LARS2: variants seen among roughly 807,000 people sequenced by gnomAD.
LARS2 encodes the protein leucine--tRNA ligase, mitochondrial.
Under a neutral mutation model 116.6 loss-of-function variants are expected in LARS2, and 81 were observed. The ratio of observed to expected loss-of-function variants is 0.69; its 90% CI spans 0.58 to 0.84. The LOEUF (loss-of-function observed/expected upper bound fraction) is 0.84, where lower values mean the gene tolerates loss of function less well. Ranked by LOEUF, LARS2 falls within the 40% of genes least tolerant of loss-of-function variation. LARS2 has a pLI of 0.00. For synonymous variants in LARS2, 396 were observed against 407.2 expected, an observed-to-expected ratio of 0.97 and a Z score of 0.33; for missense variants, 968 against 1,114.5, an observed-to-expected ratio of 0.87 and a Z score of 1.87.
chr3:45,544,751 CT>C (rs1434759888), intron 21 of LARS2, among the ~76,000 whole-genome samples: 2 of 152,182 alleles, frequency 1.3e-5, no homozygotes, highest in Non-Finnish European at 2.9e-5. Context: ...GTTGCCACTT[CT>C]GGCAGTTGGA....
intron 20 of LARS2, among the ~76,000 whole-genome samples, chr3:45,533,139 G>GTTT (rs1559499579): frequency 3.8e-4 from 33 of 86,398 alleles, no homozygotes; most frequent in Admixed American, 6.6e-4. Flanking sequence ...GTCACATTAA[G>GTTT]TCTTTTTTTT....
At position 45,488,732 on chromosome 3, in the gene LARS2, GC is replaced by G. The variant is rs747546443; in HGVS notation, c.1162del (p.Gln388LysfsTer21). On this transcript the variant is annotated frameshift_variant, in exon 12 of 22. Coordinates refer to ENST00000645846, the MANE Select transcript of LARS2 (RefSeq NM_015340.4). LOFTEE classifies it high-confidence loss of function. The part of the protein sequence containing the change: ...PSTSSEDTIL[A>X]QTLGLAYSEV... The stretch of plus-strand genomic sequence containing the variant: ...TACTAGCTCAGAGGACACCATCTTA[GC>G]CCAAACCCTGGGCCTGGCCTACTCT... The G allele has an allele frequency of 1.2e-6, 2 of 1,613,804 alleles. No individual in the cohort carries two copies. The highest frequency in any genetic ancestry group is 2.2e-5 in the East Asian group (1 of 44,880).
At chr3:45,392,167 C>T (rs1290403669) in intron 2 of LARS2, among the ~76,000 whole-genome samples, 2 of 152,096 alleles carry the variant, frequency 1.3e-5, no homozygotes, top group African/African-American at 4.8e-5. Context: ...CTTAAGTGTA[C>T]AAAGCGTATG....
In LARS2 at chr3:45,491,522, A is replaced by G; in HGVS notation, c.1245A>G (p.Thr415=). ...TERLSSSAEF[T]GMTRQDAFLA... is the part of the protein sequence containing the mutation. ...TTCTTTTCTTTCCCTGTCAGTTCAC[A>G]GGTATGACCCGGCAGGATGCTTTTC... Residue 415 remains threonine, a synonymous_variant, in exon 13 of 22, where the codon ACA becomes ACG. Transcript: ENST00000645846. 6.2e-7 allele frequency: 1 copy of G among 1,613,818 alleles called. No individual in the cohort carries two copies. The highest frequency in any genetic ancestry group is 8.5e-7 in the Non-Finnish European group (1 of 1,179,726).
At chr3:45,533,551 T>C (rs1228513291) in intron 20 of LARS2, among the ~76,000 whole-genome samples, 1 of 152,222 alleles carries the variant, frequency 6.6e-6, no homozygotes, top group Non-Finnish European at 1.5e-5. Flanking sequence ...CATCGCAGAA[T>C]ATATATTTCG....
At chr3:45,478,456 G>A (rs1043957636) in intron 10 of LARS2, among the ~76,000 whole-genome samples, 1 of 152,222 alleles carries the variant, frequency 6.6e-6, no homozygotes, top group African/African-American at 2.4e-5. Flanking sequence ...AGAGGATGGA[G>A]TTCCTGAGAT....
At chr3:45,508,509 G>A (rs1370611410) in intron 15 of LARS2, among the ~76,000 whole-genome samples, 3 of 152,068 alleles carry the variant, frequency 2.0e-5, no homozygotes, top group Non-Finnish European at 4.4e-5. Context: ...GAACAAGGAA[G>A]AAGAGGAAGG....
At chr3:45,470,793 G>C (rs1699508956) in intron 8 of LARS2, among the ~76,000 whole-genome samples, 1 of 152,100 alleles carries the variant, frequency 6.6e-6, no homozygotes, top group African/African-American at 2.4e-5. Flanking sequence ...TGAGGAATTA[G>C]AGGAGAGAAA....
intron 8 of LARS2, among the ~76,000 whole-genome samples, chr3:45,464,191 C>A (rs760718087): frequency 2.0e-5 from 3 of 152,126 alleles, no homozygotes; most frequent in Non-Finnish European, 4.4e-5. Context: ...GCAGAGCATG[C>A]ACACATGGGG....
chr3:45,394,263 A>C (rs1474078152), intron 2 of LARS2, among the ~76,000 whole-genome samples, 170 bp from the exon 3 acceptor site: 1 of 152,240 alleles, frequency 6.6e-6, no homozygotes, highest in Non-Finnish European at 1.5e-5. Flanking sequence ...TTCTATTAAA[A>C]AGTTTGTGTT....
At chr3:45,428,446 C>T (rs140578078) in intron 6 of LARS2, among the ~76,000 whole-genome samples, 48 of 151,556 alleles carry the variant, frequency 3.2e-4, no homozygotes, top group African/African-American at 1.1e-3. Flanking sequence ...AGGGTTTCAC[C>T]GTGTTAGCCA....
At chr3:45,497,428 C>T (rs1478686260) in intron 14 of LARS2, among the ~76,000 whole-genome samples, 1 of 152,086 alleles carries the variant, frequency 6.6e-6, no homozygotes, top group African/African-American at 2.4e-5. Context: ...AAGGGCCTTG[C>T]CTAATTGCTC....
At chr3:45,426,593 T>C (rs1264748691) in intron 6 of LARS2, among the ~76,000 whole-genome samples, 2 of 152,216 alleles carry the variant, frequency 1.3e-5, no homozygotes, top group Non-Finnish European at 2.9e-5. Flanking sequence ...TAAGGGGTAG[T>C]GTAGTCTGTC....
intron 20 of LARS2, among the ~76,000 whole-genome samples, chr3:45,530,430 G>C (rs1346635931): frequency 6.6e-6 from 1 of 152,158 alleles, no homozygotes; most frequent in Non-Finnish European, 1.5e-5. Flanking sequence ...TGAGGCAGGA[G>C]AGTTGCTTGA....
At chr3:45,420,161 TC>T (rs999153500) in intron 6 of LARS2, among the ~76,000 whole-genome samples, 3 of 152,250 alleles carry the variant, frequency 2.0e-5, no homozygotes, top group African/African-American at 7.2e-5. Context: ...AATTATTCTG[TC>T]ACATATAATC....
intron 4 of LARS2, among the ~76,000 whole-genome samples, chr3:45,403,358 C>T (rs1212535780): frequency 6.6e-6 from 1 of 151,494 alleles, no homozygotes; most frequent in Non-Finnish European, 1.5e-5. Flanking sequence ...CTCTTGTTGC[C>T]CAGGCTGGAG....
intron 4 of LARS2, among the ~76,000 whole-genome samples, chr3:45,405,311 A>G (rs1483486700): frequency 1.3e-5 from 2 of 152,200 alleles, no homozygotes; most frequent in African/African-American, 2.4e-5. Flanking sequence ...TCTACAGCCT[A>G]TAAGACCTAA....
intron 20 of LARS2, among the ~76,000 whole-genome samples, chr3:45,531,625 C>G (rs769200368): frequency 1.3e-5 from 2 of 152,032 alleles, no homozygotes; most frequent in Non-Finnish European, 2.9e-5. Context: ...CTCAAGCAGT[C>G]CTCCCTCCTT....
At chr3:45,390,421 T>C (rs1369528494) in intron 1 of LARS2, among the ~76,000 whole-genome samples, 1 of 151,582 alleles carries the variant, frequency 6.6e-6, no homozygotes, top group African/African-American at 2.4e-5. Context: ...CACGCCATTC[T>C]CCTGCCTCAG....
Sources: allele counts gnomAD v4.1 joint callset (sites outside exome capture counted in the v4.1 genomes callset), GRCh38; gene constraint gnomAD v4.1.1; transcripts MANE v1.5; gene names NCBI Gene and HGNC (gene_info 2026-07-23, HGNC 2026-07-21).